CRYZL1: variants seen among roughly 807,000 people sequenced by gnomAD.
CRYZL1 encodes crystallin zeta like 1, also known as ferry endosomal RAB5 effector complex subunit 4.
A neutral mutation model predicts 50.6 loss-of-function variants in CRYZL1; 34 were observed. The ratio of observed to expected loss-of-function variants is 0.67; its 90% confidence interval spans 0.51 to 0.89. The LOEUF (loss-of-function observed/expected upper bound fraction) is 0.89. Among genes scored for constraint, CRYZL1 ranks in the 40% least tolerant of loss-of-function variants. The probability of loss-of-function intolerance (pLI) is 0.00; values close to 1 mark genes in which losing one functional copy is unlikely to be tolerated. For synonymous variants in CRYZL1, 125 were observed against 134.3 expected (o/e 0.93, Z 0.48); for missense variants, 354 against 402.3 (o/e 0.88, Z 1.03).
chr21:33,602,064 T>C (rs1245840272), intron 8 of CRYZL1, among the ~76,000 whole-genome samples, 170 bp downstream of exon 8: 1 of 151,568 alleles, frequency 6.6e-6, no homozygotes, highest in Non-Finnish European at 1.5e-5. Context: ...GGTCTCAAAC[T>C]CCTGGGCTCA....
chr21:33,632,874 C>T (rs938437676), intron 1 of CRYZL1, among the ~76,000 whole-genome samples: 5 of 152,216 alleles, frequency 3.3e-5, no homozygotes, highest in African/African-American at 1.2e-4. Context: ...GACACATCAT[C>T]ATACACCTCC....
chr21:33,626,869 G>A (rs943126353), intron 2 of CRYZL1, among the ~76,000 whole-genome samples: 1 of 152,104 alleles, frequency 6.6e-6, no homozygotes, highest in African/African-American at 2.4e-5. Context: ...ACAATTAGAT[G>A]AAAAGCTAGC....
Position 33,596,087 on chromosome 21 carries a change from G to C in CRYZL1, c.799-251C>G, listed in dbSNP as rs1253187624. On this transcript the variant is annotated intron_variant, in intron 10 of 12. Coordinates refer to ENST00000381554, the MANE Select transcript of CRYZL1 (RefSeq NM_145858.3). Reference sequence around the variant, plus strand: ...CCTGGTGGTGAAGTGGTAGGGGTGTGTGTGTGTCTTTTCTGGCCATCTTCA... The same window carrying C: ...CCTGGTGGTGAAGTGGTAGGGGTGTCTGTGTGTCTTTTCTGGCCATCTTCA... 4 of 609,416 alleles carry C rather than the reference G, an allele frequency of 6.6e-6. No individual in the cohort carries two copies. The Admixed American group carries it at 9.1e-5, about 14-fold the overall frequency. The allele number at this position is 609,416 out of a possible 1,614,324, so 37.8% of individuals were successfully genotyped here.
chr21:33,609,395 G>C (rs2086846787), intron 6 of CRYZL1, among the ~76,000 whole-genome samples: 1 of 152,016 alleles, frequency 6.6e-6, no homozygotes, highest in African/African-American at 2.4e-5. Context: ...AACCTCCTAG[G>C]TTCAAGCGAT....
chr21:33,608,832 C>G (rs933504028), intron 6 of CRYZL1, among the ~76,000 whole-genome samples: 1 of 152,144 alleles, frequency 6.6e-6, no homozygotes, highest in Non-Finnish European at 1.5e-5. Flanking sequence ...TATGGGAGTG[C>G]AAGACATCTG....
At chr21:33,590,081 G>A (rs1028448327) in intron 12 of CRYZL1, among the ~76,000 whole-genome samples, 160 bp from the exon 13 acceptor site, 4 of 152,204 alleles carry the variant, frequency 2.6e-5, no homozygotes, top group Admixed American at 2.0e-4. Context: ...GCAGTGGCAC[G>A]ATCTCAGCTC....
intron 1 of CRYZL1, among the ~76,000 whole-genome samples, chr21:33,636,883 T>G (rs1355245430): frequency 2.0e-5 from 3 of 152,172 alleles, no homozygotes; most frequent in Admixed American, 1.3e-4. Flanking sequence ...GTCGGCTCAC[T>G]GCAAGCTCCG....
chr21:33,624,655 CT>C (rs1441504791), intron 3 of CRYZL1, 27 bp downstream of exon 3: 1 of 1,604,812 alleles, frequency 6.2e-7, no homozygotes, highest in Non-Finnish European at 8.5e-7. Context: ...TCTCATTTTA[CT>C]TTGTGCCATA....
intron 1 of CRYZL1, among the ~76,000 whole-genome samples, chr21:33,631,962 C>T (rs1295675966): frequency 6.6e-6 from 1 of 152,030 alleles, no homozygotes; most frequent in Non-Finnish European, 1.5e-5. Flanking sequence ...AGTGAACAGC[C>T]AAGACACCGG....
chr21:33,595,212 T>C, intron 11 of CRYZL1: 3 of 1,110,884 alleles, frequency 2.7e-6, no homozygotes, highest in Non-Finnish European at 3.4e-6. Flanking sequence ...GAATGACTTT[T>C]GTTTCAAAAA....
At chr21:33,594,021 T>C (rs2086669553) in intron 11 of CRYZL1, among the ~76,000 whole-genome samples, 1 of 145,010 alleles carries the variant, frequency 6.9e-6, no homozygotes, top group South Asian at 2.2e-4. Context: ...TCAAAACTAA[T>C]AGCTACATAG....
At chr21:33,591,518 G>C (rs1393639046) in intron 11 of CRYZL1, 1 of 382,702 alleles carries the variant, frequency 2.6e-6, no homozygotes, top group Non-Finnish European at 4.7e-6. Flanking sequence ...ATAGTGTCTA[G>C]TTTTCATTTC....
At chr21:33,602,762 T>C (rs1315130928) in intron 7 of CRYZL1, among the ~76,000 whole-genome samples, 1 of 152,204 alleles carries the variant, frequency 6.6e-6, no homozygotes, top group Non-Finnish European at 1.5e-5. Context: ...TTCAGACCTA[T>C]AGGGTAAGTT....
intron 8 of CRYZL1, among the ~76,000 whole-genome samples, chr21:33,600,058 A>G (rs537829462): frequency 1.7e-4 from 26 of 152,306 alleles, no homozygotes; most frequent in African/African-American, 5.8e-4. Flanking sequence ...CCGTAAGTCA[A>G]AAATGCACTC....
At chr21:33,593,268 G>A (rs1432142506) in intron 11 of CRYZL1, among the ~76,000 whole-genome samples, 2 of 151,702 alleles carry the variant, frequency 1.3e-5, no homozygotes, top group African/African-American at 2.4e-5. Context: ...CACCATGCCT[G>A]GTTAATTTTT....
intron 4 of CRYZL1, among the ~76,000 whole-genome samples, chr21:33,620,809 A>C (rs2086987814): frequency 6.6e-6 from 1 of 151,780 alleles, no homozygotes. Context: ...GACTCTGAAA[A>C]AAAACAAAAA....
chr21:33,610,273 C>T (rs1373008173), intron 6 of CRYZL1, among the ~76,000 whole-genome samples: 6 of 152,076 alleles, frequency 3.9e-5, no homozygotes, highest in Non-Finnish European at 8.8e-5. Context: ...GAGTCTCGTG[C>T]CTCATCCTCT....
intron 2 of CRYZL1, among the ~76,000 whole-genome samples, chr21:33,627,416 A>G (rs1025225944): frequency 9.9e-5 from 15 of 152,176 alleles, no homozygotes; most frequent in Non-Finnish European, 8.8e-5. Context: ...TTTAGGAGTT[A>G]GTGACAGACA....
chr21:33,619,940 T>C (rs1400229505), intron 4 of CRYZL1, among the ~76,000 whole-genome samples: 2 of 152,222 alleles, frequency 1.3e-5, no homozygotes, highest in Admixed American at 6.5e-5. Context: ...GTTAAGCAAC[T>C]TTCTTCCAAG....
Sources: allele counts gnomAD v4.1 joint callset (sites outside exome capture counted in the v4.1 genomes callset), GRCh38; gene constraint gnomAD v4.1.1; transcripts MANE v1.5; gene names NCBI Gene and HGNC (gene_info 2026-07-23, HGNC 2026-07-21).